Variants in PLCB1 observed in about 807,000 individuals in gnomAD.
The protein encoded by PLCB1 is 1-phosphatidylinositol 4,5-bisphosphate phosphodiesterase beta-1.
PLCB1 carries 46 observed loss-of-function variants against 161.8 expected under a neutral mutation model. That is an observed-to-expected ratio of 0.28 (90% CI 0.22 to 0.36). The LOEUF is 0.36. Among genes scored for constraint, PLCB1 ranks in the 10% least tolerant of loss-of-function variants. The probability of loss-of-function intolerance (pLI) is 1.00; values close to 1 mark genes in which losing one functional copy is unlikely to be tolerated. For synonymous variants in PLCB1, 517 were observed against 503.7 expected (o/e 1.03, Z -0.35); for missense variants, 1,016 against 1,472.5 (o/e 0.69, Z 5.07).
chr20:8,344,744 G>C (rs1985936204), intron 2 of PLCB1, among the ~76,000 whole-genome samples: 1 of 152,148 alleles, frequency 6.6e-6, no homozygotes, highest in African/African-American at 2.4e-5. Flanking sequence ...AAAATCAGGT[G>C]GTGTAACTCA....
intron 3 of PLCB1, among the ~76,000 whole-genome samples, chr20:8,508,153 G>A (rs1983718031): frequency 6.6e-6 from 1 of 152,098 alleles, no homozygotes; most frequent in African/African-American, 2.4e-5. Flanking sequence ...CTGATCAAGG[G>A]GGAGTAAAGG....
In PLCB1 at chr20:8,610,202, G is replaced by A. The variant is rs571536048; in HGVS notation, c.247-18092G>A. Among the ~76,000 whole-genome samples the A allele has an allele frequency of 7.9e-5, 12 of 152,162 alleles. No individual in the cohort carries two copies. In the South Asian group the frequency reaches 2.5e-3, roughly 32 times the overall value. ...GATGTTTTTGCTTGTGAAAGTAATGGCCAAAACTGCAATCACTTTTGCACC... is the reference window on the plus strand; with the variant it reads ...GATGTTTTTGCTTGTGAAAGTAATGACCAAAACTGCAATCACTTTTGCACC... On this transcript the variant is annotated intron_variant, in intron 3 of 31. Transcript: ENST00000338037.
At chr20:8,568,119 G>T (rs1426135552) in intron 3 of PLCB1, among the ~76,000 whole-genome samples, 3 of 152,094 alleles carry the variant, frequency 2.0e-5, no homozygotes, top group South Asian at 2.1e-4. Flanking sequence ...GGAAAACAGG[G>T]TATTCATGCA....
At chr20:8,515,850 A>G (rs1335127508) in intron 3 of PLCB1, among the ~76,000 whole-genome samples, 1 of 152,180 alleles carries the variant, frequency 6.6e-6, no homozygotes, top group African/African-American at 2.4e-5. Flanking sequence ...TCTGTTACAC[A>G]GTGTCTTTAT....
intron 2 of PLCB1, among the ~76,000 whole-genome samples, chr20:8,193,230 A>G (rs1331123990): frequency 2.0e-5 from 3 of 151,970 alleles, no homozygotes; most frequent in Non-Finnish European, 4.4e-5. Context: ...AACTATCAAA[A>G]TTACAAATAT....
At chr20:8,397,300 G>C (rs1462488510) in intron 3 of PLCB1, among the ~76,000 whole-genome samples, 1 of 151,928 alleles carries the variant, frequency 6.6e-6, no homozygotes, top group East Asian at 1.9e-4. Context: ...TATACTCCAA[G>C]ATTATTAAAA....
At chr20:8,672,187 A>G (rs1282042515) in intron 9 of PLCB1, among the ~76,000 whole-genome samples, 3 of 152,194 alleles carry the variant, frequency 2.0e-5, no homozygotes, top group Non-Finnish European at 4.4e-5. Context: ...GCTTGGGCAC[A>G]AACCTTGAGC....
At chr20:8,852,256 A>T (rs1376869056) in intron 31 of PLCB1, among the ~76,000 whole-genome samples, 1 of 152,158 alleles carries the variant, frequency 6.6e-6, no homozygotes, top group Non-Finnish European at 1.5e-5. Flanking sequence ...AAGATCCATC[A>T]TTTTTCTAAC....
At chr20:8,826,772 T>C (rs1441972356) in intron 31 of PLCB1, among the ~76,000 whole-genome samples, 8 of 152,176 alleles carry the variant, frequency 5.3e-5, no homozygotes, top group Non-Finnish European at 8.8e-5. Context: ...TTAATCAAGA[T>C]GAAAAATATA....
At chr20:8,305,649 G>T (rs904316451) in intron 2 of PLCB1, 1 of 152,196 alleles carries the variant, frequency 6.6e-6, no homozygotes, top group Non-Finnish European at 1.5e-5. Flanking sequence ...TGGTCCAAGA[G>T]AAAGGGTAAG....
chr20:8,581,750 C>T (rs576104615), intron 3 of PLCB1, among the ~76,000 whole-genome samples: 7 of 152,088 alleles, frequency 4.6e-5, no homozygotes, highest in Non-Finnish European at 8.8e-5. Context: ...GCCTGCTATA[C>T]CTTACCACCT....
chr20:8,137,846 T>C (rs1261105071), intron 1 of PLCB1, among the ~76,000 whole-genome samples: 1 of 152,238 alleles, frequency 6.6e-6, no homozygotes, highest in Non-Finnish European at 1.5e-5. Flanking sequence ...TATTTTTACT[T>C]TGAATGAAAA....
At chr20:8,633,147 C>T (rs1050391707) in intron 4 of PLCB1, among the ~76,000 whole-genome samples, 2 of 118,812 alleles carry the variant, frequency 1.7e-5, no homozygotes, top group South Asian at 2.6e-4. Context: ...CACACACACA[C>T]ATATTATAAA....
intron 31 of PLCB1, among the ~76,000 whole-genome samples, chr20:8,812,311 T>C (rs1428202899): frequency 6.6e-6 from 1 of 152,140 alleles, no homozygotes; most frequent in Non-Finnish European, 1.5e-5. Context: ...ATCCGGAAGA[T>C]TCTGGAGCAG....
At chr20:8,269,669 A>T (rs1490206351) in intron 2 of PLCB1, among the ~76,000 whole-genome samples, 1 of 152,116 alleles carries the variant, frequency 6.6e-6, no homozygotes, top group African/African-American at 2.4e-5. Context: ...CAAAACTGAA[A>T]CGTAAGTTTT....
intron 31 of PLCB1, among the ~76,000 whole-genome samples, chr20:8,866,875 AC>A (rs1438022335): frequency 2.0e-5 from 3 of 152,212 alleles, no homozygotes; most frequent in Non-Finnish European, 4.4e-5. Flanking sequence ...CCCAAAAACC[AC>A]AGCAATTTAA....
chr20:8,669,281 C>T (rs16995073), intron 9 of PLCB1, among the ~76,000 whole-genome samples: 7,213 of 152,148 alleles, frequency 0.047, 557 homozygotes, highest in African/African-American at 0.16. Flanking sequence ...GGGGAGTTTC[C>T]GGAATTGCTC....
chr20:8,582,029 A>G (rs1986849515), intron 3 of PLCB1, among the ~76,000 whole-genome samples: 1 of 152,164 alleles, frequency 6.6e-6, no homozygotes, highest in South Asian at 2.1e-4. Context: ...AATTGACACT[A>G]TGGAAATTAG....
intron 9 of PLCB1, among the ~76,000 whole-genome samples, chr20:8,677,735 A>C (rs1202552500): frequency 2.6e-5 from 4 of 152,126 alleles, no homozygotes; most frequent in Non-Finnish European, 5.9e-5. Context: ...TCCCACAAAA[A>C]TCTTTTAAAA....
Sources: gnomAD v4.1 joint callset for allele counts (sites outside exome capture counted in the v4.1 genomes callset) on GRCh38, gnomAD v4.1.1 for gene constraint, MANE v1.5 for transcripts, NCBI Gene and HGNC (gene_info 2026-07-23, HGNC 2026-07-21) for gene names.